Variants in NUP62CL observed in about 807,000 individuals in gnomAD.
NUP62CL encodes nucleoporin-62 C-terminal-like protein.
Under a neutral mutation model 15.3 loss-of-function variants are expected in NUP62CL, and 13 were observed. The observed-to-expected ratio is 0.85, with a 90% CI of 0.55 to 1.35. NUP62CL has a LOEUF of 1.35. NUP62CL is among the 40% of genes most tolerant of loss of function. The pLI is 0.00. For missense variants in NUP62CL, 123 were observed against 130.6 expected, an observed-to-expected ratio of 0.94 and a Z score of 0.28; for synonymous variants, 54 against 49.2, an observed-to-expected ratio of 1.10 and a Z score of -0.41.
chrX:107,142,222 C>G (rs1925787657), intron 8 of NUP62CL, among the ~76,000 whole-genome samples: 1 of 111,237 alleles, frequency 9.0e-6, no homozygotes, highest in Non-Finnish European at 1.9e-5. Flanking sequence ...AACTACTTCT[C>G]TAAAATGATC....
At position 107,175,081 on chromosome X, in the gene NUP62CL, T is replaced by C. The variant is rs1374553261; in HGVS notation, c.58+8A>G. 2.5e-6 allele frequency: 3 copies of C among 1,181,846 alleles called. No individual in the cohort carries two copies. The highest frequency in any genetic ancestry group is 2.2e-5 in the Admixed American group (1 of 45,274). ...ATAACAGTATTTTCTTTAGAATTAGTAACTTACATGAGAGCCCAATAGCAG... is the reference window on the plus strand; with the variant it reads ...ATAACAGTATTTTCTTTAGAATTAGCAACTTACATGAGAGCCCAATAGCAG... On this transcript the variant is annotated splice_region_variant and intron_variant, in intron 3 of 8. Coordinates refer to ENST00000372466, the MANE Select transcript of NUP62CL (RefSeq NM_017681.3).
intron 1 of NUP62CL, among the ~76,000 whole-genome samples, chrX:107,199,746 C>A (rs977085716): frequency 1.8e-5 from 2 of 111,718 alleles, no homozygotes; most frequent in Non-Finnish European, 1.9e-5. Flanking sequence ...AAATAGCAAC[C>A]TCTGGCAATA....
intron 4 of NUP62CL, among the ~76,000 whole-genome samples, chrX:107,164,889 A>C (rs1926474226): frequency 8.9e-6 from 1 of 112,754 alleles, no homozygotes; most frequent in Admixed American, 9.4e-5. Context: ...TCACGAAGTC[A>C]GGAGTTCGAG....
chrX:107,194,286 C>A (rs1300795926), intron 1 of NUP62CL, among the ~76,000 whole-genome samples: 1 of 111,136 alleles, frequency 9.0e-6, no homozygotes, highest in African/African-American at 3.3e-5. Context: ...AACACACATA[C>A]CCGTTATATA....
chrX:107,154,101 C>A lies in NUP62CL; in HGVS notation c.340G>T (p.Glu114Ter). The A allele has an allele frequency of 8.4e-7, 1 of 1,196,188 alleles. No homozygotes were observed. Among genetic ancestry groups the A allele is most frequent in the Non-Finnish European group, 1.1e-6 (1 of 887,817 alleles). The change falls in exon 5 of 9, where the codon GAG (glutamate) becomes TAG (stop). Residue 114 changes from glutamate (E) to a stop codon, truncating the protein, a stop_gained. Transcript: ENST00000372466. LOFTEE classifies it high-confidence loss of function. ...TAATGAAAATATTTTCTTACCATCT[C>A]ACCATTCTCAATCAATGTATGGTCC... Reference protein sequence around the residue: ...AWDHTLIENGEMIRILHGEVN... With the variant: ...AWDHTLIENG
chrX:107,182,998 G>T (rs1926954082), intron 2 of NUP62CL, among the ~76,000 whole-genome samples: 1 of 110,782 alleles, frequency 9.0e-6, no homozygotes, highest in African/African-American at 3.3e-5. Context: ...AGGAGTTCAA[G>T]ACCACCCTGG....
chrX:107,174,311 C>T (rs1319032278), intron 3 of NUP62CL, among the ~76,000 whole-genome samples: 1 of 107,452 alleles, frequency 9.3e-6, no homozygotes, highest in East Asian at 2.9e-4. Flanking sequence ...ACCACTATGT[C>T]CGGCAAATTT....
At chrX:107,132,124 G>A in intron 8 of NUP62CL, 7 of 1,178,181 alleles carry the variant, frequency 5.9e-6, no homozygotes, top group Non-Finnish European at 6.9e-6. Context: ...GGAATTGGAA[G>A]AGGAAAAGAT....
At chrX:107,197,533 ATAAAAC>A (rs1306458677) in intron 1 of NUP62CL, among the ~76,000 whole-genome samples, 1 of 109,850 alleles carries the variant, frequency 9.1e-6, no homozygotes, top group Non-Finnish European at 1.9e-5. Context: ...CTTAAAACTG[ATAAAAC>A]TACAGCTTTG....
intron 3 of NUP62CL, among the ~76,000 whole-genome samples, chrX:107,172,941 C>A (rs762560726): frequency 2.7e-5 from 3 of 111,184 alleles, no homozygotes; most frequent in African/African-American, 9.8e-5. Context: ...GCCATAGAAC[C>A]TACTTACTGC....
intron 1 of NUP62CL, among the ~76,000 whole-genome samples, chrX:107,201,494 C>G (rs1927483330): frequency 9.0e-6 from 1 of 110,996 alleles, no homozygotes; most frequent in African/African-American, 3.3e-5. Flanking sequence ...ATATTTACAA[C>G]AACCTAAATG....
At chrX:107,199,550 A>T (rs2147818993) in intron 1 of NUP62CL, among the ~76,000 whole-genome samples, 1 of 112,339 alleles carries the variant, frequency 8.9e-6, no homozygotes, top group South Asian at 3.7e-4. Flanking sequence ...TTTATTAAAA[A>T]TTGTTCCTAG....
intron 4 of NUP62CL, among the ~76,000 whole-genome samples, chrX:107,160,528 G>C (rs1380294872): frequency 9.0e-6 from 1 of 110,654 alleles, no homozygotes; most frequent in Non-Finnish European, 1.9e-5. Flanking sequence ...CAAGCAATGG[G>C]GAAAGGATTT....
intron 1 of NUP62CL, among the ~76,000 whole-genome samples, chrX:107,204,672 A>C (rs1187090036): frequency 9.2e-6 from 1 of 108,676 alleles, no homozygotes; most frequent in Non-Finnish European, 1.9e-5. Context: ...AGCCAGGGCA[A>C]TCTGCATTTT....
At chrX:107,169,185 A>G (rs1196072256) in intron 3 of NUP62CL, among the ~76,000 whole-genome samples, 2 of 112,035 alleles carry the variant, frequency 1.8e-5, no homozygotes, top group African/African-American at 6.5e-5. Context: ...ACTATAGGCA[A>G]AAAGACTTGA....
At chrX:107,154,066 G>A in intron 5 of NUP62CL, 30 bp downstream of exon 5, 1 of 1,151,316 alleles carries the variant, frequency 8.7e-7, no homozygotes, top group Non-Finnish European at 1.2e-6. Context: ...CTTGCACAAT[G>A]TAGGTAGATT....
intron 3 of NUP62CL, among the ~76,000 whole-genome samples, chrX:107,170,875 T>A (rs181733876): frequency 9.0e-4 from 101 of 112,509 alleles, no homozygotes; most frequent in African/African-American, 3.1e-3. Context: ...AACTTTGGTC[T>A]TAACCAGTTA....
intron 1 of NUP62CL, among the ~76,000 whole-genome samples, chrX:107,200,932 A>C (rs764389796): frequency 3.0e-4 from 33 of 111,591 alleles, no homozygotes; most frequent in Admixed American, 2.9e-4. Flanking sequence ...TCAAAAAACA[A>C]AAAACTGGAG....
intron 2 of NUP62CL, among the ~76,000 whole-genome samples, chrX:107,187,005 T>C (rs987579266): frequency 8.0e-5 from 9 of 112,418 alleles, no homozygotes; most frequent in African/African-American, 2.6e-4. Context: ...ATTAAAATGA[T>C]ACAGAGTGCA....
Sources: allele counts gnomAD v4.1 joint callset (sites outside exome capture counted in the v4.1 genomes callset), GRCh38; gene constraint gnomAD v4.1.1; transcripts MANE v1.5; gene names NCBI Gene and HGNC (gene_info 2026-07-23, HGNC 2026-07-21).